EPN2: variants seen among roughly 807,000 people sequenced by gnomAD.
The protein encoded by EPN2 is epsin-2.
In EPN2, 34 loss-of-function variants were observed where a neutral mutation model predicts 61.7. The observed-to-expected ratio is 0.55, with a 90% CI of 0.42 to 0.73. The LOEUF (loss-of-function observed/expected upper bound fraction) is 0.73, where lower values mean the gene tolerates loss of function less well. Among genes scored for constraint, EPN2 ranks in the 30% least tolerant of loss-of-function variants. The pLI is 0.00. For synonymous variants in EPN2, 349 were observed against 353.6 expected (o/e 0.99, Z 0.15); for missense variants, 714 against 839.2 (o/e 0.85, Z 1.84).
At chr17:19,270,574 ACCT>A (rs1340735527) in intron 1 of EPN2, among the ~76,000 whole-genome samples, 2 of 151,810 alleles carry the variant, frequency 1.3e-5, no homozygotes, top group East Asian at 3.9e-4. Flanking sequence ...GTATTTGGAC[ACCT>A]CTTATTTGCC....
At position 19,312,120 on chromosome 17, in the gene EPN2, A is replaced by G; in HGVS notation, c.948A>G (p.Thr316=). 1 of 1,614,038 alleles carries G rather than the reference A, an allele frequency of 6.2e-7. No individual in the cohort carries two copies. The highest frequency in any genetic ancestry group is 8.5e-7 in the Non-Finnish European group (1 of 1,179,850). ...CCCTGGAAGAAAGCCGAAGGGACAC[A>G]GTTAAAATTCCAAAAAAGAAAGAGG... ...QMALEESRRD[T]VKIPKKKEHG... is the part of the protein sequence containing the mutation. Residue 316 remains threonine, a synonymous_variant, in exon 6 of 11, where the codon ACA becomes ACG. Coordinates refer to ENST00000314728, the MANE Select transcript of EPN2 (RefSeq NM_014964.5).
At chr17:19,303,541 C>T (rs1252437384) in intron 4 of EPN2, among the ~76,000 whole-genome samples, 8 of 152,202 alleles carry the variant, frequency 5.3e-5, no homozygotes, top group Admixed American at 2.6e-4. Flanking sequence ...ACCGGAATCA[C>T]GGCTAGAGTC....
chr17:19,294,918 G>C (rs187344679), intron 4 of EPN2, among the ~76,000 whole-genome samples: 102 of 152,106 alleles, frequency 6.7e-4, no homozygotes, highest in African/African-American at 2.3e-3. Flanking sequence ...GCTCAGTACA[G>C]CAGTTGCTAG....
intron 4 of EPN2, among the ~76,000 whole-genome samples, chr17:19,289,785 G>T (rs2045445051): frequency 2.3e-5 from 3 of 130,850 alleles, no homozygotes; most frequent in Admixed American, 1.8e-4. Flanking sequence ...AGAGTGTAGT[G>T]GGGTGATCTG....
chr17:19,287,061 C>T (rs2045412518), intron 4 of EPN2, among the ~76,000 whole-genome samples: 1 of 152,110 alleles, frequency 6.6e-6, no homozygotes, highest in South Asian at 2.1e-4. Context: ...TTTTGTGTTA[C>T]CCTGGCCCTC....
chr17:19,243,978 C>G (rs1352498027), intron 1 of EPN2, among the ~76,000 whole-genome samples: 1 of 152,062 alleles, frequency 6.6e-6, no homozygotes, highest in Non-Finnish European at 1.5e-5. Context: ...AGTAGGAACT[C>G]AAAAATGACA....
intron 1 of EPN2, among the ~76,000 whole-genome samples, chr17:19,261,099 C>G (rs1022386311): frequency 6.6e-6 from 1 of 152,176 alleles, no homozygotes; most frequent in Non-Finnish European, 1.5e-5. Flanking sequence ...TTGCAGTGGT[C>G]CTGCAGGGTG....
chr17:19,261,126 T>A (rs922362444), intron 1 of EPN2, among the ~76,000 whole-genome samples: 2 of 152,218 alleles, frequency 1.3e-5, no homozygotes, highest in African/African-American at 4.8e-5. Flanking sequence ...CGCAGGCACA[T>A]TGCTGAGTCA....
chr17:19,241,051 C>T (rs1003567716), intron 1 of EPN2, among the ~76,000 whole-genome samples: 1 of 152,098 alleles, frequency 6.6e-6, no homozygotes, highest in Non-Finnish European at 1.5e-5. Context: ...GTTACATGCT[C>T]GAGGTCGCGC....
chr17:19,245,678 T>TA (rs2044939331), intron 1 of EPN2, among the ~76,000 whole-genome samples: 1 of 150,568 alleles, frequency 6.6e-6, no homozygotes, highest in African/African-American at 2.4e-5. Context: ...TTTTTTTTTT[T>TA]AAAGATGGAG....
In EPN2 at chr17:19,313,250, C is replaced by G. The variant is rs1598016304; in HGVS notation, c.1118C>G (p.Ala373Gly). ...CCCTGGGGCGGGCCAGCGGCTCCTG[C>G]GAGTACTTCAGACCCCTGGCCATCG... is the stretch of plus-strand genomic sequence containing the variant. ...TNPWGGPAAP[A>G]STSDPWPSFG... is the part of the protein sequence containing the mutation. The change falls in exon 7 of 11, where the codon GCG becomes GGG. Residue 373 changes from alanine (A) to glycine (G), a missense_variant. By Grantham distance (60) the Ala-to-Gly change is moderately conservative. Around this residue, in one of 2 missense-constraint regions of EPN2, gnomAD observed 410 missense variants for 421.8 expected, o/e 0.97. Transcript: ENST00000314728. The G allele has an allele frequency of 6.3e-7, 1 of 1,579,812 alleles. No homozygotes were observed. The highest frequency in any genetic ancestry group is 8.6e-7 in the Non-Finnish European group (1 of 1,166,570).
intron 1 of EPN2, among the ~76,000 whole-genome samples, chr17:19,244,624 C>G (rs138502016): frequency 2.9e-4 from 44 of 152,186 alleles, no homozygotes; most frequent in African/African-American, 1.0e-3. Flanking sequence ...GTTTACAGTT[C>G]GAATTTTTTT....
chr17:19,308,090 T>C (rs1905937983), intron 4 of EPN2: 1 of 947,508 alleles, frequency 1.1e-6, no homozygotes, highest in Admixed American at 6.2e-5. Flanking sequence ...TATTTATTTT[T>C]TGAGATGCAG....
intron 1 of EPN2, among the ~76,000 whole-genome samples, chr17:19,274,869 T>A (rs2045291026): frequency 1.3e-5 from 2 of 152,186 alleles, no homozygotes; most frequent in South Asian, 4.1e-4. Flanking sequence ...CTTGGAAATT[T>A]TTTTTTCCAG....
chr17:19,308,617 G>C, intron 4 of EPN2: 1 of 985,398 alleles, frequency 1.0e-6, no homozygotes. Context: ...GGAGGTGGGT[G>C]CGCTGAGGGA....
chr17:19,279,489 A>G (rs2045339753), intron 1 of EPN2, among the ~76,000 whole-genome samples: 1 of 150,492 alleles, frequency 6.6e-6, no homozygotes, highest in African/African-American at 2.5e-5. Flanking sequence ...CCCAGGCTGG[A>G]GTGCAGTGGC....
chr17:19,266,384 C>T (rs914526161), intron 1 of EPN2, among the ~76,000 whole-genome samples: 1 of 151,844 alleles, frequency 6.6e-6, no homozygotes, highest in South Asian at 2.1e-4. Context: ...AGATGTCCAT[C>T]TCAACATTAT....
chr17:19,301,926 G>T (rs8065300), intron 4 of EPN2, among the ~76,000 whole-genome samples: 146,256 of 152,344 alleles, frequency 0.96, 70,608 homozygotes, highest in African/African-American at 0.99. Context: ...CTGACTGAGG[G>T]TGCAAAGCCC....
At chr17:19,238,349 C>G (rs1345561029) in intron 1 of EPN2, among the ~76,000 whole-genome samples, 1 of 152,212 alleles carries the variant, frequency 6.6e-6, no homozygotes, top group Non-Finnish European at 1.5e-5. Context: ...GGAGGCTGGC[C>G]TTTGCTAGAG....
Sources: gnomAD v4.1 joint callset for allele counts (sites outside exome capture counted in the v4.1 genomes callset) on GRCh38, gnomAD v4.1.1 for gene constraint, gnomAD v4.1.1 regional missense constraint, MANE v1.5 for transcripts, NCBI Gene and HGNC (gene_info 2026-07-23, HGNC 2026-07-21) for gene names.